The following PGAP4 variants were observed in gnomAD, a reference collection of about 807,000 sequenced individuals.
PGAP4 encodes the protein post-GPI attachment to proteins GalNAc transferase 4.
Under a neutral mutation model 28.2 loss-of-function variants are expected in PGAP4, and 12 were observed. That is an observed-to-expected ratio of 0.42 (90% CI 0.27 to 0.69). The LOEUF is 0.69. PGAP4 is among the 30% of genes least tolerant of loss of function. PGAP4 has a pLI of 0.22. For synonymous variants in PGAP4, 205 were observed against 211.8 expected, an observed-to-expected ratio of 0.97 and a Z score of 0.28; for missense variants, 425 against 513.5, an observed-to-expected ratio of 0.83 and a Z score of 1.67.
At chr9:101,523,444 C>T (rs1057382772) in intron 2 of PGAP4, among the ~76,000 whole-genome samples, 1 of 151,500 alleles carries the variant, frequency 6.6e-6, no homozygotes, top group Non-Finnish European at 1.5e-5. Context: ...TTAATTTGAA[C>T]ACCTTTTCTT....
rs748200484 is a variant in PGAP4 at position 101,476,136 on chromosome 9, C to T, written c.957G>A (p.Leu319=). The change falls in exon 2 of 2, where the codon CTG becomes CTA. Residue 319 remains leucine (L), a synonymous_variant. Transcript: ENST00000374848. The surrounding 1 kb of genome is among the most constrained non-coding windows in gnomAD (Gnocchi z 7.0). ...GRHYFLELRR[L]SPSLYSVVPA... Reference sequence around the variant, plus strand: ...GAACCACACTGTACAGGGAAGGACTCAGCCGCCGCAGTTCCAGGAAATAGT... The same window carrying T: ...GAACCACACTGTACAGGGAAGGACTTAGCCGCCGCAGTTCCAGGAAATAGT... The T allele has an allele frequency of 1.9e-6, 3 of 1,613,942 alleles. No individual in the cohort carries two copies. The highest frequency in any genetic ancestry group is 2.2e-5 in the East Asian group (1 of 44,882).
At chr9:101,496,175 A>G (rs1318847471) in intron 2 of PGAP4, among the ~76,000 whole-genome samples, 1 of 151,570 alleles carries the variant, frequency 6.6e-6, no homozygotes. Context: ...GAACTTTATG[A>G]CAACATCTCA....
In PGAP4 at chr9:101,501,614, T is replaced by C. The variant is rs1826800219; in HGVS notation, c.-164-12414A>G. ...GATTGCTTCTGGAAGACCTTCATTCTAAAGCAGCTTTATAGTGAAACATTT... is the reference window on the plus strand; with the variant it reads ...GATTGCTTCTGGAAGACCTTCATTCCAAAGCAGCTTTATAGTGAAACATTT... On this transcript the variant is annotated intron_variant, in intron 2 of 3. Coordinates refer to the PGAP4 transcript ENST00000374851. 1.1e-5 allele frequency: 5 copies of C among 468,002 alleles called. No individual in the cohort carries two copies. In the Admixed American group the frequency reaches 1.1e-4, roughly 11 times the overall value. 29.0% of individuals were successfully genotyped at this position (468,002 alleles called of 1,614,324 possible).
At chr9:101,482,346 T>C (rs1258594070) in intron 1 of PGAP4, among the ~76,000 whole-genome samples, 2 of 152,168 alleles carry the variant, frequency 1.3e-5, no homozygotes, top group Non-Finnish European at 2.9e-5. Context: ...CTCAGGAGGC[T>C]GAGGCAGGAG....
chr9:101,528,053 A>G (rs1265616363), intron 2 of PGAP4, among the ~76,000 whole-genome samples: 1 of 152,176 alleles, frequency 6.6e-6, no homozygotes, highest in Non-Finnish European at 1.5e-5. Context: ...TGTACTAAAT[A>G]AGCACAATTA....
intron 2 of PGAP4, among the ~76,000 whole-genome samples, chr9:101,497,682 A>C (rs1487597744): frequency 6.6e-6 from 1 of 151,674 alleles, no homozygotes; most frequent in Non-Finnish European, 1.5e-5. Flanking sequence ...TTTATCAATA[A>C]TTTAAAAACC....
intron 2 of PGAP4, among the ~76,000 whole-genome samples, chr9:101,501,394 G>A (rs942736230): frequency 3.3e-5 from 5 of 152,070 alleles, no homozygotes; most frequent in East Asian, 3.9e-4. Context: ...TGACAAGCAG[G>A]AAGAAGAGCC....
At chr9:101,479,222 A>T (rs908776216) in intron 1 of PGAP4, among the ~76,000 whole-genome samples, 11 of 152,254 alleles carry the variant, frequency 7.2e-5, no homozygotes, top group Non-Finnish European at 1.6e-4. Context: ...ACGTGATTGA[A>T]CGTGGCCTCA....
rs1245170432 is a variant in PGAP4 at position 101,523,619 on chromosome 9, C to CA, written c.-165+7728_-165+7729insT. ...ACATTTCTCCCCTCACTTCTTGTAT[C>CA]TTTTTTTTTTTTTTTTTTTTTTTTT... On this transcript the variant is annotated intron_variant, in intron 2 of 3. Transcript: ENST00000374851. Among the ~76,000 whole-genome samples the CA allele has an allele frequency of 6.5e-3, 385 of 59,302 alleles. 39 individuals are homozygous for CA. Among genetic ancestry groups the CA allele is most frequent in the East Asian group, 0.013 (31 of 2,384 alleles). The allele number at this position is 59,302 out of a possible 152,430, so 38.9% of individuals were successfully genotyped here. A position where few individuals can be genotyped will look rare whatever the true frequency, so the allele number is the denominator to read the frequency against.
intron 2 of PGAP4, among the ~76,000 whole-genome samples, chr9:101,492,383 C>G (rs1006628327): frequency 6.6e-6 from 1 of 151,948 alleles, no homozygotes; most frequent in Non-Finnish European, 1.5e-5. Context: ...TAGTAGAGAC[C>G]AGGTTTCACT....
intron 2 of PGAP4, among the ~76,000 whole-genome samples, chr9:101,501,205 G>A (rs2118593222): frequency 6.6e-6 from 1 of 152,122 alleles, no homozygotes; most frequent in Middle Eastern, 3.4e-3. Flanking sequence ...GACTTCTCCT[G>A]GGCCTACAGA....
At chr9:101,506,109 A>G (rs1198763972) in intron 2 of PGAP4, among the ~76,000 whole-genome samples, 1 of 152,012 alleles carries the variant, frequency 6.6e-6, no homozygotes, top group African/African-American at 2.4e-5. Context: ...GCCCTCAAAG[A>G]TTTCAAAGGA....
chr9:101,495,672 A>T (rs61685305), intron 2 of PGAP4, among the ~76,000 whole-genome samples: 1 of 150,114 alleles, frequency 6.7e-6, no homozygotes, highest in East Asian at 1.9e-4. Flanking sequence ...AAGACTTAAA[A>T]AAATAGAGTT....
At chr9:101,494,338 A>T (rs1222661406) in intron 2 of PGAP4, among the ~76,000 whole-genome samples, 1 of 151,954 alleles carries the variant, frequency 6.6e-6, no homozygotes, top group Non-Finnish European at 1.5e-5. Context: ...TGGAGAATCA[A>T]CTAGGGAGAA....
chr9:101,513,684 A>G (rs1291902305), intron 2 of PGAP4, among the ~76,000 whole-genome samples: 1 of 146,732 alleles, frequency 6.8e-6, no homozygotes, highest in Non-Finnish European at 1.5e-5. Flanking sequence ...ATGGACAGAT[A>G]GGTAGATAGA....
At chr9:101,487,557 G>A (rs550956277), upstream of PGAP4, among the ~76,000 whole-genome samples, 1 of 152,290 alleles carries the variant, frequency 6.6e-6, no homozygotes, top group Non-Finnish European at 1.5e-5. Context: ...GGAATGATCC[G>A]AGGGAGGAAA....
intron 2 of PGAP4, among the ~76,000 whole-genome samples, chr9:101,502,233 G>A (rs1485481783): frequency 6.6e-6 from 1 of 152,006 alleles, no homozygotes; most frequent in African/African-American, 2.4e-5. Context: ...TTTTTGAGGG[G>A]TAGAAAAGGG....
intron 2 of PGAP4, among the ~76,000 whole-genome samples, chr9:101,507,575 G>GA (rs1826858211): frequency 1.3e-5 from 2 of 152,034 alleles, no homozygotes; most frequent in African/African-American, 4.8e-5. Context: ...TCCTTGGGAA[G>GA]AAAAAACACG....
chr9:101,510,553 T>A (rs1237991644), intron 2 of PGAP4, among the ~76,000 whole-genome samples: 1 of 152,220 alleles, frequency 6.6e-6, no homozygotes, highest in Non-Finnish European at 1.5e-5. Flanking sequence ...AATAGACCTG[T>A]AATTTAAGTA....
Sources: gnomAD v4.1 joint callset for allele counts (sites outside exome capture counted in the v4.1 genomes callset) on GRCh38, gnomAD v4.1.1 for gene constraint, Gnocchi (gnomAD v3.1) non-coding constraint, MANE v1.5 for transcripts, NCBI Gene and HGNC (gene_info 2026-07-23, HGNC 2026-07-21) for gene names.